The following IFIT2 variants were observed in gnomAD, a reference collection of about 807,000 sequenced individuals.
The protein encoded by IFIT2 is interferon-induced protein with tetratricopeptide repeats 2.
IFIT2 carries 3 observed loss-of-function variants against 2.5 expected under a neutral mutation model. The ratio of observed to expected loss-of-function variants is 1.21; its 90% confidence interval spans 0.55 to 3.14. The LOEUF is 3.14. Among genes scored for constraint, IFIT2 ranks in the 30% most tolerant of loss-of-function variants. The pLI, the probability that IFIT2 is intolerant of heterozygous loss-of-function variation, is 0.03. For synonymous variants in IFIT2, 212 were observed against 200.7 expected (o/e 1.06, Z -0.48); for missense variants, 493 against 558.9 (o/e 0.88, Z 1.19).
intron 1 of IFIT2, among the ~76,000 whole-genome samples, chr10:89,305,620 T>A (rs1843472976): frequency 1.3e-5 from 2 of 152,034 alleles, no homozygotes; most frequent in Admixed American, 1.3e-4. Context: ...CTTACTTCTT[T>A]AAAACTACAT....
chr10:89,308,532 ATCT>A lies in IFIT2; in HGVS notation c.*1161_*1163del, dbSNP rs1843497920. The A allele has an allele frequency of 6.6e-6, 1 of 152,140 alleles. No homozygotes were observed. Among genetic ancestry groups the A allele is most frequent in the South Asian group, 2.1e-4 (1 of 4,828 alleles). The allele number at this position is 152,140 out of a possible 1,614,324, so 9.4% of individuals were successfully genotyped here. A position where few individuals can be genotyped will look rare whatever the true frequency, so the allele number is the denominator to read the frequency against. Reference sequence around the variant, plus strand: ...ATAAACACTTCTTTTAACTCCGAAAATCTTCTGAGAAATCACAAAATTCACGGT... The same window carrying A: ...ATAAACACTTCTTTTAACTCCGAAAATCTGAGAAATCACAAAATTCACGGT... On this transcript the variant is annotated 3_prime_UTR_variant, in exon 2 of 2. Coordinates refer to ENST00000371826, the MANE Select transcript of IFIT2 (RefSeq NM_001547.5).
intron 1 of IFIT2, among the ~76,000 whole-genome samples, chr10:89,304,527 C>A (rs1843465914): frequency 6.6e-6 from 1 of 151,982 alleles, no homozygotes; most frequent in African/African-American, 2.4e-5. Flanking sequence ...TTCCAGATAT[C>A]TATTGGTTGT....
chr10:89,306,488 C>T lies in IFIT2; in HGVS notation c.532C>T (p.Leu178=). 2 of 1,614,148 alleles carry T rather than the reference C, an allele frequency of 1.2e-6. No individual in the cohort carries two copies. The highest frequency in any genetic ancestry group is 1.7e-6 in the Non-Finnish European group (2 of 1,180,010). The part of the protein sequence containing the change: ...KPKNPEFTSG[L]AIASYRLDNW... ...AAAGAACCCAGAATTCACCTCTGGA[C>T]TGGCAATAGCAAGCTACCGTCTGGA... Residue 178 remains leucine (L), a synonymous_variant, in exon 2 of 2, where the codon CTG becomes TTG. Transcript: ENST00000371826.
Position 89,306,222 on chromosome 10 carries a change from C to T in IFIT2, c.266C>T (p.Ala89Val). 1 of 1,614,112 alleles carries T rather than the reference C, an allele frequency of 6.2e-7. No homozygotes were observed. The highest frequency in any genetic ancestry group is 8.5e-7 in the Non-Finnish European group (1 of 1,180,006). The change falls in exon 2 of 2, where the codon GCA becomes GTA. Residue 89 changes from alanine (A) to valine (V), a missense_variant. Physicochemically the swap from Ala to Val is moderately conservative, Grantham distance 64. Coordinates refer to ENST00000371826, the MANE Select transcript of IFIT2 (RefSeq NM_001547.5). ...ELIQQEHADQAEIRSLVTWGN... is the reference protein window; with the variant it reads ...ELIQQEHADQVEIRSLVTWGN... ...ATCCAGCAAGAGCATGCTGACCAGG[C>T]AGAAATCAGAAGTCTGGTCACCTGG...
chr10:89,305,660 C>T lies in IFIT2; in HGVS notation c.6-302C>T, dbSNP rs191555601. Among the ~76,000 whole-genome samples the T allele has an allele frequency of 8.5e-5, 13 of 152,306 alleles. No individual in the cohort carries two copies. In the East Asian group the frequency reaches 1.5e-3, roughly 18 times the overall value. ...AAAACCAAGCCTCCACAGAGACCCT[C>T]GAAAGCAGAGAGGGCAGAGCTGTTT... On this transcript the variant is annotated intron_variant, in intron 1 of 1. Transcript: ENST00000371826.
At chr10:89,304,422 A>C (rs1377923967) in intron 1 of IFIT2, among the ~76,000 whole-genome samples, 1 of 152,198 alleles carries the variant, frequency 6.6e-6, no homozygotes, top group African/African-American at 2.4e-5. Flanking sequence ...CAGTGGTATA[A>C]AAAGTGGGAG....
rs1476367620 is a variant in IFIT2 at position 89,308,732 on chromosome 10, T to C, written c.*1357T>C. ...AGTATATATCAACATTATTTTATTG[T>C]GCAATTAAAACAATACAAATTCATG... On this transcript the variant is annotated 3_prime_UTR_variant, in exon 2 of 2. Transcript: ENST00000371826. 2.0e-5 allele frequency: 3 copies of C among 152,210 alleles called. No homozygotes were observed. The highest frequency in any genetic ancestry group is 4.4e-5 in the Non-Finnish European group (3 of 68,042). The allele number at this position is 152,210 out of a possible 1,614,324, so 9.4% of individuals were successfully genotyped here.
chr10:89,302,545 C>A (rs141540954), intron 1 of IFIT2, among the ~76,000 whole-genome samples: 2,548 of 152,262 alleles, frequency 0.017, 60 homozygotes, highest in African/African-American at 0.058. Context: ...CAAAAGGGTT[C>A]TTTTCAGCAG....
chr10:89,305,901 C>T (rs1843474751), intron 1 of IFIT2, 61 bp from the exon 2 acceptor site: 4 of 1,184,240 alleles, frequency 3.4e-6, no homozygotes, highest in Middle Eastern at 2.0e-4. Flanking sequence ...ATTTGCCATG[C>T]TCCCATTTCT....
chr10:89,307,539 T>TC lies in IFIT2; in HGVS notation c.*164_*165insC. On this transcript the variant is annotated 3_prime_UTR_variant, in exon 2 of 2. Transcript: ENST00000371826. ...ATGTTAACACCTGAATTGCTGGGTC[T>TC]TGAGAGAGCCCAAGGAGTTCTGGGA... 1 of 599,906 alleles carries TC rather than the reference T, an allele frequency of 1.7e-6. No individual in the cohort carries two copies. Among genetic ancestry groups the TC allele is most frequent in the Non-Finnish European group, 2.9e-6 (1 of 350,438 alleles). The allele number at this position is 599,906 out of a possible 1,614,324, so 37.2% of individuals were successfully genotyped here.
At position 89,306,492 on chromosome 10, in the gene IFIT2, C is replaced by T. The variant is rs1338918025; in HGVS notation, c.536C>T (p.Ala179Val). ...PKNPEFTSGL[A>V]IASYRLDNWP... is the part of the protein sequence containing the mutation. ...AACCCAGAATTCACCTCTGGACTGG[C>T]AATAGCAAGCTACCGTCTGGACAAC... Residue 179 changes from alanine to valine, a missense_variant, in exon 2 of 2, where the codon GCA becomes GTA. Transcript: ENST00000371826. 1.9e-6 allele frequency: 3 copies of T among 1,614,080 alleles called. No homozygotes were observed.
chr10:89,303,450 A>ATTG (rs1463025855), intron 1 of IFIT2, among the ~76,000 whole-genome samples: 1 of 152,204 alleles, frequency 6.6e-6, no homozygotes, highest in Admixed American at 6.5e-5. Context: ...AAAGGAAGAA[A>ATTG]TTGTTGTTGT....
intron 1 of IFIT2, among the ~76,000 whole-genome samples, chr10:89,302,878 C>T (rs182144718): frequency 2.6e-5 from 4 of 152,164 alleles, no homozygotes; most frequent in Non-Finnish European, 2.9e-5. Flanking sequence ...ATCCTGGGAG[C>T]TCTGGAATCC....
At position 89,305,967 on chromosome 10, in the gene IFIT2, A is replaced by C. The variant is rs750123775; in HGVS notation, c.11A>C (p.Asn4Thr). The C allele has an allele frequency of 8.7e-6, 14 of 1,608,708 alleles. No homozygotes were observed. The Admixed American group carries it at 2.3e-4, about 27-fold the overall frequency. MSE[N>T]NKNSLESSLR... ...CTTTGTGTTTTTCCCTACAGTGAGA[A>C]CAATAAGAATTCCTTGGAGAGCAGC... The change falls in exon 2 of 2, where the codon AAC becomes ACC. Residue 4 changes from asparagine to threonine, a missense_variant. By Grantham distance (65) the Asn-to-Thr change is moderately conservative. Transcript: ENST00000371826.
At position 89,306,710 on chromosome 10, in the gene IFIT2, A is replaced by G. The variant is rs1304824354; in HGVS notation, c.754A>G (p.Ser252Gly). Residue 252 changes from serine to glycine, a missense_variant, in exon 2 of 2, where the codon AGT becomes GGT. By Grantham distance (56) the Ser-to-Gly change is moderately conservative. Transcript: ENST00000371826. ...CCCAGGTGTAACAGATGTTCTTCGC[A>G]GTGCAGCCAAGTTTTATCGAAGAAA... ...KAPGVTDVLR[S>G]AAKFYRRKDE... 5.0e-6 allele frequency: 8 copies of G among 1,614,136 alleles called. No individual in the cohort carries two copies. Among genetic ancestry groups the G allele is most frequent in the African/African-American group, 1.3e-5 (1 of 75,052 alleles).
chr10:89,302,845 C>T (rs1225565186), intron 1 of IFIT2, among the ~76,000 whole-genome samples: 1 of 152,074 alleles, frequency 6.6e-6, no homozygotes, highest in Non-Finnish European at 1.5e-5. Context: ...GGTGGGGTGG[C>T]CGGACCTGGT....
At position 89,309,116 on chromosome 10, in the gene IFIT2, C is replaced by T. The variant is rs1843501759; in HGVS notation, c.*1741C>T. 1 of 152,240 alleles carries T rather than the reference C, an allele frequency of 6.6e-6. No individual in the cohort carries two copies. Among genetic ancestry groups the T allele is most frequent in the Non-Finnish European group, 1.5e-5 (1 of 68,054 alleles). The allele number at this position is 152,240 out of a possible 1,614,324, so 9.4% of individuals were successfully genotyped here. ...CAGGGCTTCGGATAACAGCTGCCAT[C>T]TGCCACCTGCTACCATTGACCTACG... On this transcript the variant is annotated 3_prime_UTR_variant, in exon 2 of 2. Coordinates refer to ENST00000371826, the MANE Select transcript of IFIT2 (RefSeq NM_001547.5).
In IFIT2 at chr10:89,307,382, G is replaced by C. The variant is rs1172475052; in HGVS notation, c.*7G>C. ...AAGCTGGAATGGGGAATGAAGAATA[G>C]AGATGTGGTGCCCACTAGGCTACTG... On this transcript the variant is annotated 3_prime_UTR_variant, in exon 2 of 2. Transcript: ENST00000371826. The C allele has an allele frequency of 3.1e-5, 49 of 1,583,486 alleles. No individual in the cohort carries two copies. The highest frequency in any genetic ancestry group is 4.0e-5 in the Non-Finnish European group (47 of 1,161,254).
chr10:89,304,093 T>G (rs1487588464), intron 1 of IFIT2, among the ~76,000 whole-genome samples: 1 of 152,182 alleles, frequency 6.6e-6, no homozygotes, highest in African/African-American at 2.4e-5. Context: ...CCTCTGTTTC[T>G]TGGAACAAAT....
Sources: gnomAD v4.1 joint callset for allele counts (sites outside exome capture counted in the v4.1 genomes callset) on GRCh38, gnomAD v4.1.1 for gene constraint, MANE v1.5 for transcripts, NCBI Gene and HGNC (gene_info 2026-07-23, HGNC 2026-07-21) for gene names.